The following FAAH2 variants were observed in gnomAD, a reference collection of about 807,000 sequenced individuals.
FAAH2 encodes the protein fatty acid amide hydrolase 2.
In FAAH2, 60 loss-of-function variants were observed where a neutral mutation model predicts 36.9. The ratio of observed to expected loss-of-function variants is 1.63; its 90% CI spans 1.32 to 2.02. FAAH2 has a LOEUF of 2.02. Among genes scored for constraint, FAAH2 ranks in the 30% most tolerant of loss-of-function variants. FAAH2 has a pLI of 0.00. For missense variants in FAAH2, 689 were observed against 397.5 expected (o/e 1.73, Z -6.23); for synonymous variants, 214 against 143.8 (o/e 1.49, Z -3.49).
At chrX:57,267,588 A>T in the FAAH2 span, among the ~76,000 whole-genome samples, 1 of 112,192 alleles carries the variant, frequency 8.9e-6, no homozygotes, top group South Asian at 3.7e-4. Flanking sequence ...ACAGGGAGGC[A>T]GGTACCCCCT....
At position 57,432,053 on chromosome X, in the gene FAAH2, TCTTTA is replaced by T. The variant is rs2147114972; in HGVS notation, c.1116+20_1116+24del. 2 of 1,181,328 alleles carry T rather than the reference TCTTTA, an allele frequency of 1.7e-6. No homozygotes were observed. The highest frequency in any genetic ancestry group is 6.0e-5 in the East Asian group (2 of 33,157). On this transcript the variant is annotated intron_variant, in intron 8 of 10. Coordinates refer to ENST00000374900, the MANE Select transcript of FAAH2 (RefSeq NM_174912.4). ...TGATGGGAAGGTATTTTTACCTCTT[TCTTTA>T]CTTACTTTTTTCTTTGTGTAAACAT...
chrX:57,186,966 C>G, the FAAH2 span, among the ~76,000 whole-genome samples: 1 of 111,313 alleles, frequency 9.0e-6, no homozygotes, highest in South Asian at 3.8e-4. Context: ...ATTACTGTAC[C>G]CTTGTAGTAT....
intron 10 of FAAH2, among the ~76,000 whole-genome samples, chrX:57,454,991 C>T (rs1389352766): frequency 3.6e-5 from 4 of 111,149 alleles, no homozygotes; most frequent in South Asian, 7.6e-4. Flanking sequence ...CCGGAAGGTA[C>T]ATAGTCATCA....
At chrX:57,378,291 C>T (rs1248754908) in intron 5 of FAAH2, among the ~76,000 whole-genome samples, 2 of 111,532 alleles carry the variant, frequency 1.8e-5, no homozygotes, top group Non-Finnish European at 3.8e-5. Flanking sequence ...TCCTCTATGC[C>T]AGTAGATTTT....
rs758795379 is a variant in FAAH2, at chrX:57,471,047, C to G, written c.1424-17710C>G. 3.1e-3 allele frequency among the ~76,000 whole-genome samples: 348 copies of G among 111,555 alleles called. 3 individuals are homozygous for G. The highest frequency in any genetic ancestry group is 0.011 in the African/African-American group (332 of 30,711). ...AAGGGCTTCAACAATATTCAACAGC[C>G]CTTCATGGTAAAAACTCTCAATAAA... On this transcript the variant is annotated intron_variant, in intron 10 of 10. Transcript: ENST00000374900.
intron 5 of FAAH2, among the ~76,000 whole-genome samples, chrX:57,351,800 C>T (rs746094542): frequency 5.7e-5 from 6 of 106,009 alleles, no homozygotes; most frequent in African/African-American, 1.7e-4. Context: ...GAGCAGACAA[C>T]GAATGAGTAA....
intron 3 of FAAH2, among the ~76,000 whole-genome samples, chrX:57,317,053 A>G (rs1247262999): frequency 8.9e-6 from 1 of 112,082 alleles, no homozygotes; most frequent in African/African-American, 3.2e-5. Flanking sequence ...TAATAAACAA[A>G]TAACCCATTA....
At chrX:57,192,339 GT>G in the FAAH2 span, among the ~76,000 whole-genome samples, 48 of 110,090 alleles carry the variant, frequency 4.4e-4, no homozygotes, top group South Asian at 7.1e-3. Context: ...AGTTTGAATA[GT>G]TTTTTTTTGT....
rs754761410 is a variant in FAAH2, at chrX:57,374,820, G to A, written c.743-3831G>A. Among the ~76,000 whole-genome samples the A allele has an allele frequency of 9.0e-5, 10 of 110,944 alleles. No homozygotes were observed. The East Asian group carries it at 1.7e-3, about 19-fold the overall frequency. On this transcript the variant is annotated intron_variant, in intron 5 of 10. Transcript: ENST00000374900. ...GAGGGAATGCTTTCTACTTTTCCCC[G>A]TTCAGTATTATGTTGGCTGTGGGTT...
At chrX:57,182,437 C>A in the FAAH2 span, among the ~76,000 whole-genome samples, 1 of 111,674 alleles carries the variant, frequency 9.0e-6, no homozygotes, top group East Asian at 2.8e-4. Context: ...AACATGCATG[C>A]AGCCAACAAG....
At chrX:57,178,471 G>A in the FAAH2 span, among the ~76,000 whole-genome samples, 1 of 111,313 alleles carries the variant, frequency 9.0e-6, no homozygotes, top group Admixed American at 9.6e-5. Context: ...ACCCAGAAGA[G>A]GTACTCTGGT....
At chrX:57,242,114 C>T in the FAAH2 span, among the ~76,000 whole-genome samples, 1 of 112,675 alleles carries the variant, frequency 8.9e-6, no homozygotes, top group African/African-American at 3.2e-5. Flanking sequence ...CACTAAGGGA[C>T]AGACTGCTTC....
chrX:57,338,232 G>A (rs1476674469), intron 4 of FAAH2, among the ~76,000 whole-genome samples: 3 of 111,576 alleles, frequency 2.7e-5, no homozygotes, highest in African/African-American at 9.8e-5. Flanking sequence ...TACAGTCAAA[G>A]GGGGTTTGTT....
chrX:57,241,008 A>G, the FAAH2 span, among the ~76,000 whole-genome samples: 5 of 111,981 alleles, frequency 4.5e-5, no homozygotes, highest in East Asian at 8.5e-4. Context: ...ATGGGCATCC[A>G]TGATGGTGCT....
At chrX:57,274,094 A>C in the FAAH2 span, among the ~76,000 whole-genome samples, 1 of 112,219 alleles carries the variant, frequency 8.9e-6, no homozygotes. Flanking sequence ...CACTGATCCC[A>C]CAGAAATAAA....
At chrX:57,166,915 A>G in the FAAH2 span, among the ~76,000 whole-genome samples, 2 of 112,027 alleles carry the variant, frequency 1.8e-5, no homozygotes, top group African/African-American at 6.5e-5. Flanking sequence ...CAGAAGCCCT[A>G]TTTGTGGAAT....
At chrX:57,480,987 A>C (rs1267341972) in intron 10 of FAAH2, among the ~76,000 whole-genome samples, 1 of 107,640 alleles carries the variant, frequency 9.3e-6, no homozygotes, top group Non-Finnish European at 1.9e-5. Flanking sequence ...TTATTTCAGT[A>C]AGGTGATTTT....
intron 10 of FAAH2, among the ~76,000 whole-genome samples, chrX:57,467,115 G>A (rs906183824): frequency 3.6e-5 from 4 of 111,210 alleles, no homozygotes; most frequent in African/African-American, 1.3e-4. Context: ...TAAATAAGTT[G>A]ATTTGGGTTC....
At chrX:57,454,056 G>A (rs763993054) in intron 10 of FAAH2, among the ~76,000 whole-genome samples, 2 of 111,207 alleles carry the variant, frequency 1.8e-5, no homozygotes, top group South Asian at 3.8e-4. Flanking sequence ...CTAGGTGAGC[G>A]AGTCACCTCT....
Sources: gnomAD v4.1 joint callset for allele counts (sites outside exome capture counted in the v4.1 genomes callset) on GRCh38, gnomAD v4.1.1 for gene constraint, MANE v1.5 for transcripts, NCBI Gene and HGNC (gene_info 2026-07-23, HGNC 2026-07-21) for gene names.